Variants in SIAE observed in about 807,000 individuals in gnomAD.
The protein encoded by SIAE is sialic acid acetylesterase.
Under a neutral mutation model 52.6 loss-of-function variants are expected in SIAE, and 39 were observed. The ratio of observed to expected loss-of-function variants is 0.74; its 90% CI spans 0.57 to 0.97. The LOEUF (loss-of-function observed/expected upper bound fraction) is 0.97, where lower values mean the gene tolerates loss of function less well. Among genes scored for constraint, SIAE ranks in the 50% least tolerant of loss-of-function variants. The pLI, the probability that SIAE is intolerant of heterozygous loss-of-function variation, is 0.00. For missense variants in SIAE, 592 were observed against 662.1 expected (o/e 0.89, Z 1.16); for synonymous variants, 233 against 241.4 (o/e 0.97, Z 0.32).
chr11:124,675,503 C>A, upstream of SIAE: 1 of 1,449,016 alleles, frequency 6.9e-7, no homozygotes, highest in South Asian at 1.4e-5. Context: ...CATCTCCATT[C>A]TGCAGAAAGC....
chr11:124,664,843 A>C (rs73624534), intron 2 of SIAE, among the ~76,000 whole-genome samples: 3,535 of 151,850 alleles, frequency 0.023, 121 homozygotes, highest in African/African-American at 0.075. Context: ...CGAGAAGAAC[A>C]ACCTAGAAAT....
chr11:124,647,523 G>C (rs1253262274), intron 6 of SIAE, 25 bp from the exon 7 acceptor site: 2 of 1,613,754 alleles, frequency 1.2e-6, no homozygotes, highest in East Asian at 4.5e-5. Flanking sequence ...AATTGTAAAG[G>C]GAGTTTGGAG....
rs1943339353 is a variant in SIAE, at chr11:124,670,696, G to T, written c.68-1175C>A. Among the ~76,000 whole-genome samples, 1 of 152,122 alleles carries T rather than the reference G, an allele frequency of 6.6e-6. No homozygotes were observed. Among genetic ancestry groups the T allele is most frequent in the Non-Finnish European group, 1.5e-5 (1 of 68,012 alleles). On this transcript the variant is annotated intron_variant, in intron 1 of 9. Transcript: ENST00000263593. The surrounding 1 kb of genome is among the most constrained non-coding windows in gnomAD (Gnocchi z 4.5). ...CTAATGGAGTCGCCTACACAGCTCCGTGGCCTATTTATCCTGCTCTTGGAA... is the reference window on the plus strand; with the variant it reads ...CTAATGGAGTCGCCTACACAGCTCCTTGGCCTATTTATCCTGCTCTTGGAA...
chr11:124,657,294 G>A (rs1943116534), intron 3 of SIAE, among the ~76,000 whole-genome samples: 1 of 152,198 alleles, frequency 6.6e-6, no homozygotes, highest in Non-Finnish European at 1.5e-5. Context: ...TGCACTCACA[G>A]TGTATCTGGC....
intron 3 of SIAE, 126 bp from the exon 4 acceptor site, chr11:124,654,919 C>A: frequency 9.1e-7 from 1 of 1,093,758 alleles, no homozygotes. Flanking sequence ...ATAACCAAAA[C>A]CAATGGGCTG....
In SIAE at chr11:124,670,294, C is replaced by A. The variant is rs2134394634; in HGVS notation, c.68-773G>T. 6.6e-6 allele frequency among the ~76,000 whole-genome samples: 1 copy of A among 152,282 alleles called. No individual in the cohort carries two copies. Among genetic ancestry groups the A allele is most frequent in the Middle Eastern group, 3.4e-3 (1 of 294 alleles). ...TATACTAAAAGGACAAGAGAAAGCA[C>A]ACTAGAAACTGGATTCTATTCTAGA... On this transcript the variant is annotated intron_variant, in intron 1 of 9. Coordinates refer to ENST00000263593, the MANE Select transcript of SIAE (RefSeq NM_170601.5). The surrounding 1 kb of genome is among the most constrained non-coding windows in gnomAD (Gnocchi z 4.5).
At chr11:124,657,093 G>A (rs1163922215) in intron 3 of SIAE, among the ~76,000 whole-genome samples, 2 of 152,192 alleles carry the variant, frequency 1.3e-5, no homozygotes, top group Non-Finnish European at 2.9e-5. Flanking sequence ...ATCACAGTGG[G>A]AGCCACAACC....
At chr11:124,652,653 C>T (rs1943033262) in intron 4 of SIAE, among the ~76,000 whole-genome samples, 1 of 145,736 alleles carries the variant, frequency 6.9e-6, no homozygotes, top group Admixed American at 6.9e-5. Flanking sequence ...AAGATCACAT[C>T]ACTGCACTCT....
At chr11:124,653,004 CA>C (rs1293232465) in intron 4 of SIAE, among the ~76,000 whole-genome samples, 1 of 152,106 alleles carries the variant, frequency 6.6e-6, no homozygotes. Context: ...ATACATTATC[CA>C]AATTTGATTG....
Position 124,635,822 on chromosome 11 carries a change from CAACTTCTTATAGGT to C in SIAE, c.*1115_*1128del, listed in dbSNP as rs1942720497. On this transcript the variant is annotated 3_prime_UTR_variant, in exon 10 of 10. Coordinates refer to ENST00000263593, the MANE Select transcript of SIAE (RefSeq NM_170601.5). ...TAGTGATTATGCTTTTATTTATTTC[CAACTTCTTATAGGT>C]AACATAATTTTCAGACAATGTTAGC... 6.6e-6 allele frequency: 1 copy of C among 152,062 alleles called. No homozygotes were observed. Among genetic ancestry groups the C allele is most frequent in the African/African-American group, 2.4e-5 (1 of 41,412 alleles). 9.4% of individuals were successfully genotyped at this position (152,062 alleles called of 1,614,324 possible).
chr11:124,662,376 C>T (rs1293472151), intron 2 of SIAE, among the ~76,000 whole-genome samples: 1 of 152,196 alleles, frequency 6.6e-6, no homozygotes, highest in Non-Finnish European at 1.5e-5. Context: ...CCTGCACTGA[C>T]ACATCTTACT....
intron 3 of SIAE, among the ~76,000 whole-genome samples, chr11:124,657,878 T>C (rs1490894993): frequency 6.6e-6 from 1 of 152,262 alleles, no homozygotes; most frequent in Non-Finnish European, 1.5e-5. Context: ...AAGATTTTCA[T>C]TTAAATGACA....
Position 124,670,131 on chromosome 11 carries a change from T to C in SIAE, c.68-610A>G, listed in dbSNP as rs529970100. On this transcript the variant is annotated intron_variant, in intron 1 of 9. Coordinates refer to ENST00000263593, the MANE Select transcript of SIAE (RefSeq NM_170601.5). The surrounding 1 kb of genome is among the most constrained non-coding windows in gnomAD (Gnocchi z 4.5). Reference sequence around the variant, plus strand: ...AAAATTCTAAATAAGCCCTTATAAATACTCATGACAAGTCAGCTTCCTTCT... The same window carrying C: ...AAAATTCTAAATAAGCCCTTATAAACACTCATGACAAGTCAGCTTCCTTCT... Among the ~76,000 whole-genome samples, 121 of 152,294 alleles carry C rather than the reference T, an allele frequency of 7.9e-4. No homozygotes were observed. In the South Asian group the frequency reaches 0.024, roughly 30 times the overall value.
At position 124,635,491 on chromosome 11, in the gene SIAE, T is replaced by A. The variant is rs1394915554; in HGVS notation, c.*1460A>T. 1 of 152,212 alleles carries A rather than the reference T, an allele frequency of 6.6e-6. No individual in the cohort carries two copies. The highest frequency in any genetic ancestry group is 1.5e-5 in the Non-Finnish European group (1 of 68,042). The allele number at this position is 152,212 out of a possible 1,614,324, so 9.4% of individuals were successfully genotyped here. A position where few individuals can be genotyped will look rare whatever the true frequency, so the allele number is the denominator to read the frequency against. On this transcript the variant is annotated 3_prime_UTR_variant, in exon 10 of 10. Transcript: ENST00000263593. ...CCATCATTCACCCTACAGAGTATTA[T>A]AAATTTCATTTTCACACAGTAAAAA...
intron 2 of SIAE, among the ~76,000 whole-genome samples, chr11:124,663,745 C>G (rs1943226604): frequency 6.6e-6 from 1 of 152,166 alleles, no homozygotes; most frequent in African/African-American, 2.4e-5. Context: ...CCGTTCAGGA[C>G]TGGTTGGTTG....
chr11:124,675,562 A>T, upstream of SIAE: 1 of 771,712 alleles, frequency 1.3e-6, no homozygotes, highest in Admixed American at 3.1e-5. Flanking sequence ...TCTTTGAAAC[A>T]GTATGTACCT....
At chr11:124,644,907 A>G (rs1299601372) in intron 7 of SIAE, among the ~76,000 whole-genome samples, 1 of 152,156 alleles carries the variant, frequency 6.6e-6, no homozygotes, top group Non-Finnish European at 1.5e-5. Flanking sequence ...TAGCACTTCT[A>G]TGAAGCCAGT....
chr11:124,652,373 A>G (rs1943029316), intron 4 of SIAE, among the ~76,000 whole-genome samples: 1 of 152,052 alleles, frequency 6.6e-6, no homozygotes. Flanking sequence ...AACCTTTCCC[A>G]GCAGCAGTGA....
At chr11:124,666,951 C>T (rs943989963) in intron 2 of SIAE, among the ~76,000 whole-genome samples, 5 of 152,122 alleles carry the variant, frequency 3.3e-5, no homozygotes, top group Non-Finnish European at 7.4e-5. Flanking sequence ...TCTCTGCCCA[C>T]CTCAAATATT....
Sources: allele counts gnomAD v4.1 joint callset (sites outside exome capture counted in the v4.1 genomes callset), GRCh38; gene constraint gnomAD v4.1.1; non-coding constraint Gnocchi (gnomAD v3.1); transcripts MANE v1.5; gene names NCBI Gene and HGNC (gene_info 2026-07-23, HGNC 2026-07-21).